XKR4: variants seen among roughly 807,000 people sequenced by gnomAD.
XKR4 encodes the protein XK-related protein 4.
A neutral mutation model predicts 53.9 loss-of-function variants in XKR4; 12 were observed. The observed-to-expected ratio is 0.22, with a 90% CI of 0.14 to 0.36. The LOEUF is 0.36. Ranked by LOEUF, XKR4 falls within the 10% of genes least tolerant of loss-of-function variation. XKR4 has a pLI of 1.00. For missense variants in XKR4, 799 were observed against 859.5 expected (o/e 0.93, Z 0.88); for synonymous variants, 354 against 362.4 (o/e 0.98, Z 0.26).
chr8:55,121,922 C>G (rs1047958362), intron 1 of XKR4, among the ~76,000 whole-genome samples: 6 of 151,976 alleles, frequency 3.9e-5, no homozygotes, highest in African/African-American at 1.5e-4. Context: ...GGGGTGGCAG[C>G]CTGATTCACT....
chr8:55,372,547 C>CT (rs199937774), intron 2 of XKR4, among the ~76,000 whole-genome samples: 474 of 139,388 alleles, frequency 3.4e-3, no homozygotes, highest in South Asian at 4.9e-3. Context: ...TCCCAGATAG[C>CT]TTTTTTTTTT....
At chr8:55,140,741 G>T (rs921186490) in intron 1 of XKR4, among the ~76,000 whole-genome samples, 4 of 152,162 alleles carry the variant, frequency 2.6e-5, no homozygotes, top group Non-Finnish European at 4.4e-5. Flanking sequence ...CTGTGGATTC[G>T]TGGGCCCATC....
chr8:55,116,650 G>C (rs1326746717), intron 1 of XKR4, among the ~76,000 whole-genome samples: 1 of 152,176 alleles, frequency 6.6e-6, no homozygotes, highest in East Asian at 1.9e-4. Context: ...GATAGAAATG[G>C]ATGACCTTCC....
Position 55,488,137 on chromosome 8 carries a change from T to C in XKR4, c.1007-35144T>C, listed in dbSNP as rs942402469. Reference sequence around the variant, plus strand: ...TTATGATCAGCAGCAGATTGTAACATGTAAAAAGTCACGGACAATGAGTTA... The same window carrying C: ...TTATGATCAGCAGCAGATTGTAACACGTAAAAAGTCACGGACAATGAGTTA... On this transcript the variant is annotated intron_variant, in intron 2 of 2. Coordinates refer to ENST00000327381, the MANE Select transcript of XKR4 (RefSeq NM_052898.2). Among the ~76,000 whole-genome samples, 5 of 152,314 alleles carry C rather than the reference T, an allele frequency of 3.3e-5. No homozygotes were observed. In the South Asian group the frequency reaches 1.0e-3, roughly 32 times the overall value.
At chr8:55,409,156 C>A (rs1353349809) in intron 2 of XKR4, among the ~76,000 whole-genome samples, 1 of 152,180 alleles carries the variant, frequency 6.6e-6, no homozygotes, top group Non-Finnish European at 1.5e-5. Context: ...AAGCTGTGAA[C>A]CAATTCTCAG....
intron 1 of XKR4, among the ~76,000 whole-genome samples, chr8:55,150,551 C>T (rs1489857264): frequency 1.3e-5 from 2 of 152,166 alleles, no homozygotes; most frequent in Non-Finnish European, 2.9e-5. Context: ...AGCTCACCCC[C>T]GGAACCCTGC....
intron 1 of XKR4, among the ~76,000 whole-genome samples, chr8:55,228,148 G>A (rs554375032): frequency 6.6e-6 from 1 of 152,242 alleles, no homozygotes; most frequent in East Asian, 1.9e-4. Context: ...CTCAGTCCAG[G>A]TGATCCACCC....
chr8:55,266,875 G>T lies in XKR4; in HGVS notation c.807-90803G>T, dbSNP rs1262353771. 2.0e-5 allele frequency among the ~76,000 whole-genome samples: 3 copies of T among 152,124 alleles called. 1 individual carries two copies. Among genetic ancestry groups the T allele is most frequent in the South Asian group, 4.2e-4 (2 of 4,816 alleles). On this transcript the variant is annotated intron_variant, in intron 1 of 2. Transcript: ENST00000327381. ...ATCCTGTATAAATATCATTAGCATC[G>T]CATGCCTGTGGGATAGAGTGCATGT...
At chr8:55,428,946 G>T (rs549959916) in intron 2 of XKR4, among the ~76,000 whole-genome samples, 8 of 152,286 alleles carry the variant, frequency 5.3e-5, no homozygotes, top group African/African-American at 1.9e-4. Context: ...ACATGGAAAA[G>T]CAAGTGAACT....
intron 2 of XKR4, among the ~76,000 whole-genome samples, chr8:55,448,313 G>T (rs529686000): frequency 6.6e-6 from 1 of 152,242 alleles, no homozygotes; most frequent in Non-Finnish European, 1.5e-5. Flanking sequence ...AACAAGATGC[G>T]GTGTGCACAA....
intron 1 of XKR4, among the ~76,000 whole-genome samples, chr8:55,234,879 A>C (rs1159305486): frequency 1.3e-5 from 2 of 152,204 alleles, no homozygotes; most frequent in Non-Finnish European, 2.9e-5. Context: ...GGTGACCGGG[A>C]ACATGAGCTC....
intron 2 of XKR4, among the ~76,000 whole-genome samples, chr8:55,365,401 G>C (rs952165130): frequency 8.5e-5 from 13 of 152,172 alleles, no homozygotes; most frequent in African/African-American, 3.1e-4. Flanking sequence ...AGTAGAACAT[G>C]TTAGATAATT....
At chr8:55,504,481 T>C (rs562961599) in intron 2 of XKR4, among the ~76,000 whole-genome samples, 24 of 152,068 alleles carry the variant, frequency 1.6e-4, no homozygotes, top group South Asian at 4.2e-4. Context: ...TCCCAAAGTG[T>C]TGGGATTACA....
chr8:55,237,875 A>G (rs1478565504), intron 1 of XKR4, among the ~76,000 whole-genome samples: 1 of 152,110 alleles, frequency 6.6e-6, no homozygotes, highest in African/African-American at 2.4e-5. Flanking sequence ...GCCTGTCACC[A>G]TCTGTCTTCT....
intron 2 of XKR4, among the ~76,000 whole-genome samples, chr8:55,374,943 TG>T (rs1484629341): frequency 1.3e-5 from 2 of 152,192 alleles, no homozygotes. Context: ...TGTGAAAAGC[TG>T]GTCATGGGAG....
chr8:55,288,227 C>T (rs1818934745), intron 1 of XKR4, among the ~76,000 whole-genome samples: 1 of 152,174 alleles, frequency 6.6e-6, no homozygotes, highest in South Asian at 2.1e-4. Context: ...AGTATTCAGT[C>T]ACATACAAAG....
intron 1 of XKR4, among the ~76,000 whole-genome samples, chr8:55,300,896 TA>T: frequency 6.6e-6 from 1 of 151,944 alleles, no homozygotes; most frequent in East Asian, 1.9e-4. Flanking sequence ...AGGCTAAGAG[TA>T]AAGGAGGATT....
rs145486249 is a variant in XKR4 at position 55,191,361 on chromosome 8, T to C, written c.806+88067T>C. Among the ~76,000 whole-genome samples, 1,040 of 152,296 alleles carry C rather than the reference T, an allele frequency of 6.8e-3. 8 individuals carry two copies. Among genetic ancestry groups the C allele is most frequent in the African/African-American group, 0.023 (955 of 41,562 alleles). ...GTAATAATATGTGTTCAATTTATATTTACTGGTTTAGTCTTTCGATTTTAT... is the reference window on the plus strand; with the variant it reads ...GTAATAATATGTGTTCAATTTATATCTACTGGTTTAGTCTTTCGATTTTAT... On this transcript the variant is annotated intron_variant, in intron 1 of 2. Transcript: ENST00000327381.
chr8:55,273,168 G>A (rs1052068740), intron 1 of XKR4, among the ~76,000 whole-genome samples: 4 of 151,702 alleles, frequency 2.6e-5, no homozygotes, highest in African/African-American at 7.3e-5. Context: ...GTGTGTGTGT[G>A]TGTGTGTGTG....
Sources: allele counts gnomAD v4.1 joint callset (sites outside exome capture counted in the v4.1 genomes callset), GRCh38; gene constraint gnomAD v4.1.1; transcripts MANE v1.5; gene names NCBI Gene and HGNC (gene_info 2026-07-23, HGNC 2026-07-21).